The following C4orf51 variants were observed in gnomAD, a reference collection of about 807,000 sequenced individuals.
C4orf51 encodes the protein uncharacterized protein C4orf51.
In C4orf51, 25 loss-of-function variants were observed where a neutral mutation model predicts 25.2. The observed-to-expected ratio is 0.99, with a 90% CI of 0.72 to 1.39. The LOEUF (loss-of-function observed/expected upper bound fraction) is 1.39, where lower values mean the gene tolerates loss of function less well. Among genes scored for constraint, C4orf51 ranks in the 40% most tolerant of loss-of-function variants. The probability of loss-of-function intolerance (pLI) is 0.00; values close to 1 mark genes in which losing one functional copy is unlikely to be tolerated. For missense variants in C4orf51, 252 were observed against 239.6 expected, an observed-to-expected ratio of 1.05 and a Z score of -0.34; for synonymous variants, 100 against 84.5, an observed-to-expected ratio of 1.18 and a Z score of -1.01.
chr4:145,705,094 G>A (rs542819207), intron 2 of C4orf51, among the ~76,000 whole-genome samples: 1 of 152,222 alleles, frequency 6.6e-6, no homozygotes, highest in Non-Finnish European at 1.5e-5. Context: ...AGCATGCACA[G>A]TGTGTTTACT....
the C4orf51 span, among the ~76,000 whole-genome samples, chr4:145,781,568 T>C: frequency 3.3e-5 from 5 of 152,112 alleles, no homozygotes; most frequent in African/African-American, 9.7e-5. Flanking sequence ...GGAAGAAGGG[T>C]TGCTCTTATT....
chr4:145,761,511 C>A lies in C4orf51; in HGVS notation n.167-9477C>A, dbSNP rs1317116839. ...GGTTGGCCTTCACCGTCTGGCAGAT[C>A]CGGCACTTGTACTCCATCTTGTAGT... On this transcript the variant is annotated intron_variant and non_coding_transcript_variant, in intron 1 of 1. Transcript: ENST00000510096. The surrounding 1 kb of genome is among the most constrained non-coding windows in gnomAD (Gnocchi z 6.8). The A allele has an allele frequency of 8.5e-6, 11 of 1,289,784 alleles. No individual in the cohort carries two copies. The highest frequency in any genetic ancestry group is 1.1e-5 in the Non-Finnish European group (11 of 988,842). 79.9% of individuals were successfully genotyped at this position (1,289,784 alleles called of 1,614,324 possible).
At position 145,699,920 on chromosome 4, in the gene C4orf51, C is replaced by T. The variant is rs181998833; in HGVS notation, c.307+3288C>T. On this transcript the variant is annotated intron_variant, in intron 2 of 5. Coordinates refer to ENST00000438731, the MANE Select transcript of C4orf51 (RefSeq NM_001080531.3). ...CTCCTTCACCCTTAGCGGCAAGTCC[C>T]GCTTTTCTGGGGGAGGGGCAAGCAC... Among the ~76,000 whole-genome samples the T allele has an allele frequency of 3.6e-3, 541 of 152,092 alleles. 1 individual carries two copies. The highest frequency in any genetic ancestry group is 0.013 in the African/African-American group (524 of 41,468).
intron 1 of C4orf51, among the ~76,000 whole-genome samples, chr4:145,682,804 C>T (rs946445761): frequency 6.6e-6 from 1 of 152,016 alleles, no homozygotes; most frequent in Admixed American, 6.6e-5. Context: ...CAGTTGTCTG[C>T]CATGGTTAAA....
rs77031171 is a variant in C4orf51, at chr4:145,705,240, C to T, written c.307+8608C>T. Among the ~76,000 whole-genome samples, 216 of 152,334 alleles carry T rather than the reference C, an allele frequency of 1.4e-3. 1 individual carries two copies. The highest frequency in any genetic ancestry group is 0.01 in the Middle Eastern group (3 of 294). On this transcript the variant is annotated intron_variant, in intron 2 of 5. Coordinates refer to ENST00000438731, the MANE Select transcript of C4orf51 (RefSeq NM_001080531.3). ...AGCCCATTCATCAAACTCCTGAGAT[C>T]TTATCAGGACGCTGCTGATCACCAG...
intron 1 of C4orf51, among the ~76,000 whole-genome samples, chr4:145,685,304 C>A (rs1018354948): frequency 6.6e-6 from 1 of 152,192 alleles, no homozygotes; most frequent in Non-Finnish European, 1.5e-5. Flanking sequence ...TAAAAAGCAA[C>A]AATTTTCAAA....
chr4:145,785,556 A>G, the C4orf51 span, among the ~76,000 whole-genome samples: 1 of 152,136 alleles, frequency 6.6e-6, no homozygotes, highest in African/African-American at 2.4e-5. Flanking sequence ...CTGTTGCCCA[A>G]GGTTGGGCAA....
chr4:145,738,481 C>T (rs948841928), intron 1 of C4orf51, among the ~76,000 whole-genome samples: 4 of 146,628 alleles, frequency 2.7e-5, no homozygotes, highest in Non-Finnish European at 6.0e-5. Flanking sequence ...TATATATAGA[C>T]ACACACACAC....
Position 145,732,493 on chromosome 4 carries a change from C to CTGAG in C4orf51, c.543_546dup (p.Asp183Ter), listed in dbSNP as rs1297915904. ...GATTCTGAAAGCAAGGTTTGCTCAT[C>CTGAG]TGAGGATTCAGAAGCTGATCGATAC... is the stretch of plus-strand genomic sequence containing the variant. On this transcript the variant is annotated frameshift_variant, in exon 6 of 6. Coordinates refer to ENST00000438731, the MANE Select transcript of C4orf51 (RefSeq NM_001080531.3). LOFTEE classifies it low-confidence loss of function (END_TRUNC). 6.2e-7 allele frequency: 1 copy of CTGAG among 1,611,430 alleles called. No individual in the cohort carries two copies. Among genetic ancestry groups the CTGAG allele is most frequent in the East Asian group, 2.2e-5 (1 of 44,870 alleles).
chr4:145,731,564 CTTTTTTTTTTTTTTT>C (rs398051305), intron 5 of C4orf51, among the ~76,000 whole-genome samples: 11 of 43,874 alleles, frequency 2.5e-4, no homozygotes, highest in South Asian at 1.5e-3. Flanking sequence ...CAAGGCAAAT[CTTTTTTTTTTTTTTT>C]TTTTTTTTTT....
chr4:145,710,044 A>G (rs994663138), intron 2 of C4orf51, among the ~76,000 whole-genome samples: 2 of 152,224 alleles, frequency 1.3e-5, no homozygotes, highest in Non-Finnish European at 2.9e-5. Flanking sequence ...TATCTGAGTC[A>G]TGCAACACCA....
intron 2 of C4orf51, among the ~76,000 whole-genome samples, chr4:145,718,567 C>T (rs575639064): frequency 1.8e-4 from 27 of 152,320 alleles, no homozygotes; most frequent in Admixed American, 1.4e-3. Context: ...TGGACTACCC[C>T]ATAAGTCACG....
intron 1 of C4orf51, among the ~76,000 whole-genome samples, chr4:145,738,889 C>T (rs1420511959): frequency 6.6e-6 from 1 of 152,280 alleles, no homozygotes; most frequent in South Asian, 2.1e-4. Context: ...AATCTGTCCA[C>T]CTTGGCCTCC....
chr4:145,764,175 T>A (rs1734934310), intron 1 of C4orf51, among the ~76,000 whole-genome samples: 1 of 152,378 alleles, frequency 6.6e-6, no homozygotes, highest in South Asian at 2.1e-4. Flanking sequence ...TAATTATGCC[T>A]TGAAAACTGT....
Position 145,732,600 on chromosome 4 carries a change from G to C in C4orf51, c.*40G>C, listed in dbSNP as rs557977261. On this transcript the variant is annotated 3_prime_UTR_variant, in exon 6 of 6. Transcript: ENST00000438731. ...CCACAAGGCTGGAGGCGTGGAGTTT[G>C]CTTAATAAACAACTTTGAGGTATGG... 8 of 1,460,170 alleles carry C rather than the reference G, an allele frequency of 5.5e-6. No homozygotes were observed. The South Asian group carries it at 9.7e-5, about 18-fold the overall frequency. The allele number at this position is 1,460,170 out of a possible 1,614,324, so 90.5% of individuals were successfully genotyped here. A position where few individuals can be genotyped will look rare whatever the true frequency, so the allele number is the denominator to read the frequency against.
chr4:145,692,405 A>G (rs1376774082), intron 1 of C4orf51, among the ~76,000 whole-genome samples: 1 of 151,982 alleles, frequency 6.6e-6, no homozygotes. Context: ...AAGAGAAGCA[A>G]AGTAGTGGTT....
At chr4:145,778,652 C>T in the C4orf51 span, among the ~76,000 whole-genome samples, 1 of 152,154 alleles carries the variant, frequency 6.6e-6, no homozygotes, top group Non-Finnish European at 1.5e-5. Context: ...CTTATTAATA[C>T]TTCCTGTCTT....
At chr4:145,769,359 C>T (rs866858210) in intron 1 of C4orf51, among the ~76,000 whole-genome samples, 2 of 152,080 alleles carry the variant, frequency 1.3e-5, no homozygotes, top group African/African-American at 4.8e-5. Flanking sequence ...ACATTTTTAG[C>T]GGAGACCCTG....
intron 2 of C4orf51, among the ~76,000 whole-genome samples, chr4:145,723,420 G>A (rs1244165474): frequency 6.6e-6 from 1 of 151,908 alleles, no homozygotes; most frequent in Non-Finnish European, 1.5e-5. Flanking sequence ...CATATTAAAG[G>A]AAAACAGAAT....
Sources: gnomAD v4.1 joint callset for allele counts (sites outside exome capture counted in the v4.1 genomes callset) on GRCh38, gnomAD v4.1.1 for gene constraint, Gnocchi (gnomAD v3.1) non-coding constraint, MANE v1.5 for transcripts, NCBI Gene and HGNC (gene_info 2026-07-23, HGNC 2026-07-21) for gene names.